Variants in DNAH3 observed in about 807,000 individuals in gnomAD.
The protein encoded by DNAH3 is dynein axonemal heavy chain 3, also known as axonemal beta dynein heavy chain 3.
A neutral mutation model predicts 432.5 loss-of-function variants in DNAH3; 332 were observed. That is an observed-to-expected ratio of 0.77 (90% confidence interval 0.70 to 0.84). The LOEUF (loss-of-function observed/expected upper bound fraction) is 0.84. Among genes scored for constraint, DNAH3 ranks in the 40% least tolerant of loss-of-function variants. The pLI is 0.00. For missense variants in DNAH3, 4,861 were observed against 5,114.0 expected (o/e 0.95, Z 1.51); for synonymous variants, 1,956 against 1,900.2 (o/e 1.03, Z -0.76).
intron 44 of DNAH3, among the ~76,000 whole-genome samples, chr16:20,989,972 C>A (rs2086469885): frequency 6.6e-6 from 1 of 152,236 alleles, no homozygotes; most frequent in Non-Finnish European, 1.5e-5. Context: ...CCCGGAACTC[C>A]AGCTGGCCTG....
At chr16:20,955,175 C>A in intron 54 of DNAH3, 118 bp from the exon 55 acceptor site, 1 of 962,338 alleles carries the variant, frequency 1.0e-6, no homozygotes, top group Non-Finnish European at 1.5e-6. Context: ...CATGGTAAAA[C>A]CCCATCTCTA....
chr16:21,116,532 A>C (rs1307421215), intron 12 of DNAH3, among the ~76,000 whole-genome samples: 1 of 152,168 alleles, frequency 6.6e-6, no homozygotes, highest in East Asian at 1.9e-4. Flanking sequence ...CCAGACCTGC[A>C]GAATTGTGAG....
exon 29 of DNAH3, chr16:21,051,777 G>T: frequency 1.2e-6 from 2 of 1,613,974 alleles, no homozygotes; most frequent in Non-Finnish European, 1.7e-6. Context: ...GCACATCCTT[G>T]GCCACCCAGT....
At chr16:20,945,519 T>G (rs904397635) in intron 57 of DNAH3, among the ~76,000 whole-genome samples, 4 of 151,396 alleles carry the variant, frequency 2.6e-5, no homozygotes, top group African/African-American at 9.7e-5. Context: ...TTGAGACAGA[T>G]TCTTGCTGTC....
chr16:21,134,275 C>A lies in DNAH3; in HGVS notation c.1066G>T (p.Glu356Ter), dbSNP rs753312801. Residue 356 changes from glutamate (E) to a stop codon, truncating the protein, a stop_gained, in exon 7 of 62, where the codon GAA becomes TAA. Transcript: ENST00000261383. LOFTEE classifies it high-confidence loss of function. The stretch of plus-strand genomic sequence containing the variant: ...ACTTCTTACTCTGCAAACCACAGTT[C>A]TTTCAGCCTGAGCATCATGGGGTTC... 5.0e-6 allele frequency: 8 copies of A among 1,612,016 alleles called. No homozygotes were observed. The highest frequency in any genetic ancestry group is 5.9e-6 in the Non-Finnish European group (7 of 1,179,394).
intron 15 of DNAH3, among the ~76,000 whole-genome samples, chr16:21,105,673 T>C (rs973366846): frequency 1.6e-4 from 24 of 146,824 alleles, no homozygotes; most frequent in Non-Finnish European, 2.3e-4. Flanking sequence ...GGCTGAGGCA[T>C]GAGAATTGAT....
At chr16:20,980,326 AC>A in intron 49 of DNAH3, among the ~76,000 whole-genome samples, 4 of 143,422 alleles carry the variant, frequency 2.8e-5, no homozygotes, top group Non-Finnish European at 6.0e-5. Flanking sequence ...TATAATATAT[AC>A]TATATTATAT....
At chr16:21,101,104 C>T (rs759516469) in intron 16 of DNAH3, among the ~76,000 whole-genome samples, 6 of 152,108 alleles carry the variant, frequency 3.9e-5, no homozygotes, top group African/African-American at 4.8e-5. Flanking sequence ...ATTTAATACA[C>T]CTAACCTACT....
intron 38 of DNAH3, among the ~76,000 whole-genome samples, chr16:21,025,447 TTA>T (rs1032182048): frequency 2.0e-5 from 3 of 147,706 alleles, no homozygotes; most frequent in African/African-American, 7.4e-5. Flanking sequence ...TAACATTATA[TTA>T]TATATAATAT....
Position 20,979,283 on chromosome 16 carries a change from C to T in DNAH3, c.8076+47G>A, listed in dbSNP as rs2085742431. The T allele has an allele frequency of 3.1e-6, 5 of 1,587,886 alleles. No individual in the cohort carries two copies. The East Asian group carries it at 1.1e-4, about 35-fold the overall frequency. ...CTGAACACATGCCTCGGCACATCCA[C>T]CTCGTCCCGGGCCTCTTTGTCTCTG... On this transcript the variant is annotated intron_variant, in intron 50 of 61. Transcript: ENST00000261383.
exon 53 of DNAH3, chr16:20,964,479 A>C (rs368372136): frequency 6.2e-7 from 1 of 1,614,244 alleles, no homozygotes; most frequent in Non-Finnish European, 8.5e-7. Flanking sequence ...CGATAGAAGC[A>C]TCCAGCTCTT....
chr16:20,968,035 T>G (rs2085142506), intron 52 of DNAH3, among the ~76,000 whole-genome samples: 1 of 152,114 alleles, frequency 6.6e-6, no homozygotes, highest in Non-Finnish European at 1.5e-5. Context: ...TGCTAAGCAA[T>G]GGGAAGCAGG....
intron 37 of DNAH3, among the ~76,000 whole-genome samples, chr16:21,027,755 G>A (rs2088647634): frequency 6.6e-6 from 1 of 152,246 alleles, no homozygotes; most frequent in Admixed American, 6.5e-5. Context: ...ATTTTAATAG[G>A]AAAGCCAGGG....
chr16:21,128,057 G>C (rs1597443107), intron 7 of DNAH3, among the ~76,000 whole-genome samples: 2 of 152,060 alleles, frequency 1.3e-5, no homozygotes, highest in African/African-American at 4.8e-5. Context: ...GAGCCTTAGA[G>C]ATATGCCTCA....
chr16:20,974,985 G>GT (rs35783206), intron 51 of DNAH3, among the ~76,000 whole-genome samples: 2,880 of 120,698 alleles, frequency 0.024, 75 homozygotes, highest in Admixed American at 0.089. Flanking sequence ...CACCTGGCTA[G>GT]TTTTTTTTTT....
rs1308760943 is a variant in DNAH3, at chr16:21,098,618, C to A, written c.2518G>T (p.Glu840Ter). ...GTCCCCATCTCAAGATCCCAAACCTCAAACTCTGCAAACGCCCGATTTAGG... is the reference window on the plus strand; with the variant it reads ...GTCCCCATCTCAAGATCCCAAACCTAAAACTCTGCAAACGCCCGATTTAGG... Residue 840 changes from glutamate (E) to a stop codon, truncating the protein, a stop_gained and splice_region_variant, in exon 17 of 62, where the codon GAG becomes TAG. Coordinates refer to ENST00000261383, the Ensembl canonical transcript of DNAH3. LOFTEE classifies it high-confidence loss of function. The A allele has an allele frequency of 3.1e-6, 5 of 1,611,120 alleles. No homozygotes were observed. In the East Asian group the frequency reaches 1.1e-4, roughly 36 times the overall value.
chr16:21,134,358 G>A, exon 7 of DNAH3: 1 of 1,614,186 alleles, frequency 6.2e-7, no homozygotes, highest in Admixed American at 1.7e-5. Context: ...ACTGTGCCAG[G>A]GCACAGGGGC....
chr16:21,027,041 T>C, exon 38 of DNAH3: 4 of 1,612,922 alleles, frequency 2.5e-6, no homozygotes, highest in Non-Finnish European at 3.4e-6. Context: ...TCACAGTGGC[T>C]GGAGAGGCTT....
At chr16:21,108,675 C>G (rs929570863) in intron 14 of DNAH3, among the ~76,000 whole-genome samples, 2 of 152,064 alleles carry the variant, frequency 1.3e-5, no homozygotes, top group Admixed American at 1.3e-4. Context: ...CCCAGGAGGT[C>G]GAGGCTGCAG....
Sources: allele counts gnomAD v4.1 joint callset (sites outside exome capture counted in the v4.1 genomes callset), GRCh38; gene constraint gnomAD v4.1.1; transcripts MANE v1.5; gene names NCBI Gene and HGNC (gene_info 2026-07-23, HGNC 2026-07-21).